The following TTC17 variants were observed in gnomAD, a reference collection of about 807,000 sequenced individuals.
TTC17 encodes the protein tetratricopeptide repeat domain 17.
A neutral mutation model predicts 143.8 loss-of-function variants in TTC17; 58 were observed. That is an observed-to-expected ratio of 0.40 (90% CI 0.33 to 0.50). TTC17 has a LOEUF of 0.50. Among genes scored for constraint, TTC17 ranks in the 20% least tolerant of loss-of-function variants. The pLI is 0.49. For synonymous variants in TTC17, 501 were observed against 497.8 expected (o/e 1.01, Z -0.09); for missense variants, 1,273 against 1,392.5 (o/e 0.91, Z 1.37).
At chr11:43,458,628 T>A (rs1947807359) in intron 21 of TTC17, among the ~76,000 whole-genome samples, 1 of 152,078 alleles carries the variant, frequency 6.6e-6, no homozygotes, top group Non-Finnish European at 1.5e-5. Flanking sequence ...TCCTCCGACA[T>A]GCAAAATGAC....
At chr11:43,370,531 C>T (rs1181835639) in intron 1 of TTC17, 1 of 147,852 alleles carries the variant, frequency 6.8e-6, no homozygotes, top group Non-Finnish European at 1.5e-5. Context: ...TTATATTTGT[C>T]ATTACAGTTT....
At chr11:43,362,188 TG>T (rs1856142500) in intron 1 of TTC17, among the ~76,000 whole-genome samples, 2 of 146,712 alleles carry the variant, frequency 1.4e-5, no homozygotes, top group South Asian at 4.3e-4. Flanking sequence ...TGTGTGTGTG[TG>T]TGTGTATTTT....
At position 43,405,595 on chromosome 11, in the gene TTC17, A is replaced by G. The variant is rs781310767; in HGVS notation, c.1561A>G (p.Thr521Ala). The change falls in exon 12 of 24, where the codon ACG becomes GCG. Residue 521 changes from threonine to alanine, a missense_variant. Coordinates refer to ENST00000039989, the MANE Select transcript of TTC17 (RefSeq NM_018259.6). ...AGTCCCTGTTGGTGGGGAATTGCCA[A>G]CGTATTTTCTGCCTCCGGAAAACAA... Reference protein sequence around the residue: ...PRVPVGGELPTYFLPPENKGL... With the variant: ...PRVPVGGELPAYFLPPENKGL... 7.4e-6 allele frequency: 12 copies of G among 1,613,856 alleles called. No individual in the cohort carries two copies. Among genetic ancestry groups the G allele is most frequent in the African/African-American group, 5.3e-5 (4 of 74,918 alleles).
rs78514059 is a variant in TTC17, at chr11:43,393,661, C to T, written c.663+1709C>T. On this transcript the variant is annotated intron_variant, in intron 5 of 23. Transcript: ENST00000039989. ...TGAAAGATCTAACCCTCTGATCATG[C>T]CTTGGCTTTTCTGGGACCAGCATCT... Among the ~76,000 whole-genome samples, 1,223 of 152,298 alleles carry T rather than the reference C, an allele frequency of 8.0e-3. 14 individuals carry two copies. The highest frequency in any genetic ancestry group is 0.028 in the African/African-American group (1,158 of 41,546).
In TTC17 at chr11:43,399,990, G is replaced by A; in HGVS notation, c.1161G>A (p.Glu387=). Residue 387 remains glutamate (E), a synonymous_variant, in exon 9 of 24, where the codon GAG becomes GAA. Coordinates refer to ENST00000039989, the MANE Select transcript of TTC17 (RefSeq NM_018259.6). ...TAGAAAAACATAAACTGATTCAGGA[G>A]GAGCAAATCTTAAGAAATATCATTC... ...EILEKHKLIQ[E]EQILRNIIHE... 6.2e-7 allele frequency: 1 copy of A among 1,613,924 alleles called. No individual in the cohort carries two copies. The highest frequency in any genetic ancestry group is 8.5e-7 in the Non-Finnish European group (1 of 1,179,928).
chr11:43,361,085 A>G (rs1331257370), intron 1 of TTC17, among the ~76,000 whole-genome samples: 2 of 152,372 alleles, frequency 1.3e-5, no homozygotes, highest in East Asian at 3.8e-4. Flanking sequence ...AAGGCACCAC[A>G]TATAAATAAA....
At chr11:43,370,101 ATC>A (rs924756837) in intron 1 of TTC17, 1 of 455,066 alleles carries the variant, frequency 2.2e-6, no homozygotes, top group African/African-American at 2.0e-5. Flanking sequence ...GCCCATGCGT[ATC>A]TCTCTCAAGA....
chr11:43,368,383 C>T (rs556801878), intron 1 of TTC17, among the ~76,000 whole-genome samples: 12 of 152,324 alleles, frequency 7.9e-5, no homozygotes, highest in Admixed American at 3.3e-4. Flanking sequence ...AAACTAAACT[C>T]TTGATTTTCT....
chr11:43,438,027 T>C (rs889072949), intron 16 of TTC17, among the ~76,000 whole-genome samples: 8 of 152,262 alleles, frequency 5.3e-5, no homozygotes, highest in Non-Finnish European at 7.3e-5. Context: ...TTCTGATTAC[T>C]GGCTTGAAAT....
chr11:43,414,558 T>C (rs779109209), intron 15 of TTC17, 32 bp from the exon 16 acceptor site: 1 of 1,582,232 alleles, frequency 6.3e-7, no homozygotes, highest in Non-Finnish European at 8.6e-7. Flanking sequence ...TATTAGTTCA[T>C]TAACATTTTG....
chr11:43,474,320 T>C (rs186761311), intron 21 of TTC17, among the ~76,000 whole-genome samples: 1 of 152,150 alleles, frequency 6.6e-6, no homozygotes, highest in East Asian at 1.9e-4. Flanking sequence ...TTTTAAAAAA[T>C]GGCAAGGGAA....
chr11:43,391,261 T>G (rs1432153607), intron 3 of TTC17, among the ~76,000 whole-genome samples: 1 of 152,068 alleles, frequency 6.6e-6, no homozygotes, highest in Non-Finnish European at 1.5e-5. Context: ...TAACTGATTG[T>G]GGTGGTGCAT....
At chr11:43,368,565 C>T (rs1286273695) in intron 1 of TTC17, among the ~76,000 whole-genome samples, 1 of 152,190 alleles carries the variant, frequency 6.6e-6, no homozygotes, top group East Asian at 1.9e-4. Flanking sequence ...TTCTGTAATT[C>T]CAGTCAATAC....
Position 43,405,882 on chromosome 11 carries a change from C to T in TTC17, c.1692C>T (p.Ser564=). The change falls in exon 13 of 24, where the codon TCC becomes TCT. Residue 564 remains serine, a synonymous_variant. Transcript: ENST00000039989. The part of the protein sequence containing the change: ...ITDFRKSHTL[S]YLVKELEVRM... ...ACTTCAGAAAAAGCCACACTCTGTC[C>T]TACTTAGTCAAAGAATTAGAGGTTC... is the stretch of plus-strand genomic sequence containing the variant. The T allele has an allele frequency of 6.2e-7, 1 of 1,614,044 alleles. No individual in the cohort carries two copies. The highest frequency in any genetic ancestry group is 8.5e-7 in the Non-Finnish European group (1 of 1,179,942).
intron 5 of TTC17, among the ~76,000 whole-genome samples, chr11:43,395,917 G>A (rs1355345979): frequency 1.3e-5 from 2 of 152,024 alleles, no homozygotes; most frequent in East Asian, 3.9e-4. Context: ...ATTCCCCATA[G>A]GATACATTTT....
In TTC17 at chr11:43,469,721, A is replaced by G. The variant is rs190849665; in HGVS notation, c.3030+18456A>G. Among the ~76,000 whole-genome samples, 7 of 152,342 alleles carry G rather than the reference A, an allele frequency of 4.6e-5. No homozygotes were observed. In the East Asian group the frequency reaches 1.4e-3, roughly 29 times the overall value. ...GGTATTGACTGGAATACCGCATGAA[A>G]GAACTTTCTGGAGTGTTGGATATTT... On this transcript the variant is annotated intron_variant, in intron 21 of 23. Coordinates refer to ENST00000039989, the MANE Select transcript of TTC17 (RefSeq NM_018259.6).
At chr11:43,424,215 C>G (rs1946972413) in intron 16 of TTC17, among the ~76,000 whole-genome samples, 1 of 151,792 alleles carries the variant, frequency 6.6e-6, no homozygotes, top group South Asian at 2.1e-4. Context: ...GCCTCAGCCA[C>G]CCCAGTAGCT....
chr11:43,374,567 CAAAA>C (rs933200644), intron 1 of TTC17, among the ~76,000 whole-genome samples: 1 of 150,428 alleles, frequency 6.6e-6, no homozygotes, highest in African/African-American at 2.4e-5. Context: ...ATTCAACAAG[CAAAA>C]AACAACTCCA....
intron 16 of TTC17, among the ~76,000 whole-genome samples, chr11:43,442,123 G>A (rs1015504994): frequency 3.9e-5 from 6 of 152,138 alleles, no homozygotes; most frequent in Non-Finnish European, 7.3e-5. Context: ...CTGCAATACC[G>A]TAGGCAAGCG....
Sources: allele counts gnomAD v4.1 joint callset (sites outside exome capture counted in the v4.1 genomes callset), GRCh38; gene constraint gnomAD v4.1.1; transcripts MANE v1.5; gene names NCBI Gene and HGNC (gene_info 2026-07-23, HGNC 2026-07-21).